The following TASP1 variants were observed in gnomAD, a reference collection of about 807,000 sequenced individuals.
TASP1 encodes taspase 1, also known as threonine aspartase 1.
A neutral mutation model predicts 56.6 loss-of-function variants in TASP1; 16 were observed. The ratio of observed to expected loss-of-function variants is 0.28; its 90% CI spans 0.19 to 0.43. TASP1 has a LOEUF of 0.43. Ranked by LOEUF, TASP1 falls within the 20% of genes least tolerant of loss-of-function variation. TASP1 has a pLI of 1.00. For synonymous variants in TASP1, 179 were observed against 184.2 expected (o/e 0.97, Z 0.23); for missense variants, 393 against 511.6 (o/e 0.77, Z 2.24).
intron 4 of TASP1, 92 bp downstream of exon 4, chr20:13,623,354 T>C: frequency 1.9e-6 from 2 of 1,062,000 alleles, no homozygotes; most frequent in East Asian, 2.5e-5. Context: ...GCTCATATAA[T>C]TTATGGTTGA....
At chr20:13,169,629 G>A in the TASP1 span, among the ~76,000 whole-genome samples, 1 of 152,164 alleles carries the variant, frequency 6.6e-6, no homozygotes, top group Non-Finnish European at 1.5e-5. Context: ...CAATGCCTGG[G>A]AAGGGACTCA....
intron 11 of TASP1, among the ~76,000 whole-genome samples, chr20:13,476,053 A>C (rs1009064425): frequency 2.6e-5 from 4 of 152,212 alleles, no homozygotes; most frequent in African/African-American, 4.8e-5. Flanking sequence ...CAGGAGGCGG[A>C]GACTGCAGTG....
the TASP1 span, among the ~76,000 whole-genome samples, chr20:13,372,909 T>G: frequency 6.6e-6 from 1 of 152,172 alleles, no homozygotes; most frequent in Non-Finnish European, 1.5e-5. Context: ...TCCTCCTGTA[T>G]AGCTCTATTA....
At chr20:13,602,600 T>C (rs1226853562) in intron 4 of TASP1, among the ~76,000 whole-genome samples, 1 of 152,146 alleles carries the variant, frequency 6.6e-6, no homozygotes, top group Non-Finnish European at 1.5e-5. Context: ...AATTTTTCCA[T>C]GGATGGGGTG....
At chr20:13,110,165 CG>C in the TASP1 span, 2 of 1,613,578 alleles carry the variant, frequency 1.2e-6, no homozygotes, top group East Asian at 4.5e-5. Context: ...TGGCCAGCCT[CG>C]AACCCGCAGA....
intron 13 of TASP1, among the ~76,000 whole-genome samples, chr20:13,413,764 G>A (rs572641633): frequency 8.6e-5 from 13 of 151,794 alleles, no homozygotes; most frequent in South Asian, 4.2e-4. Context: ...CAATCGTTCC[G>A]GGAAGATCTA....
chr20:13,121,587 C>T, the TASP1 span, among the ~76,000 whole-genome samples: 1 of 152,102 alleles, frequency 6.6e-6, no homozygotes, highest in Non-Finnish European at 1.5e-5. Flanking sequence ...GACCTCTAAC[C>T]CACCCTGAAG....
At chr20:13,401,070 CA>C (rs1329490853) in intron 13 of TASP1, among the ~76,000 whole-genome samples, 1 of 152,110 alleles carries the variant, frequency 6.6e-6, no homozygotes, top group Non-Finnish European at 1.5e-5. Context: ...CAGGCTTCAC[CA>C]AACAGGGCGG....
rs531212333 is a variant in TASP1 at position 13,523,959 on chromosome 20, G to A, written c.874+4474C>T. Among the ~76,000 whole-genome samples, 11 of 151,842 alleles carry A rather than the reference G, an allele frequency of 7.2e-5. No individual in the cohort carries two copies. In the South Asian group the frequency reaches 2.1e-3, roughly 29 times the overall value. ...AGCCCAGGAGTTCAAGACCAGCCCGGGCAACACAGCAAGATCCTGTCTCTA... is the reference window on the plus strand; with the variant it reads ...AGCCCAGGAGTTCAAGACCAGCCCGAGCAACACAGCAAGATCCTGTCTCTA... On this transcript the variant is annotated intron_variant, in intron 10 of 13. Coordinates refer to ENST00000337743, the MANE Select transcript of TASP1 (RefSeq NM_017714.3).
the TASP1 span, among the ~76,000 whole-genome samples, chr20:13,267,117 A>G: frequency 6.6e-5 from 10 of 152,202 alleles, no homozygotes; most frequent in African/African-American, 2.4e-4. Flanking sequence ...ATCCTTAGCC[A>G]CACTTCCCCT....
the TASP1 span, among the ~76,000 whole-genome samples, chr20:13,133,775 A>G: frequency 6.6e-6 from 1 of 152,266 alleles, no homozygotes; most frequent in East Asian, 1.9e-4. Context: ...ACTTACGTAC[A>G]GGGATGGTCC....
At chr20:13,137,331 T>C in the TASP1 span, among the ~76,000 whole-genome samples, 6 of 152,194 alleles carry the variant, frequency 3.9e-5, no homozygotes, top group Non-Finnish European at 7.3e-5. Context: ...ACACTGCCTT[T>C]AGCAGGGTTG....
intron 10 of TASP1, among the ~76,000 whole-genome samples, chr20:13,510,073 C>G (rs753829935): frequency 2.0e-5 from 3 of 151,960 alleles, no homozygotes; most frequent in Non-Finnish European, 4.4e-5. Flanking sequence ...TACCCCTGAA[C>G]CTAAAATGAA....
At chr20:13,386,497 A>C (rs1383088785), downstream of TASP1, among the ~76,000 whole-genome samples, 1 of 152,240 alleles carries the variant, frequency 6.6e-6, no homozygotes, top group Non-Finnish European at 1.5e-5. Flanking sequence ...AAATCAAAAA[A>C]TAAAAGATCC....
intron 10 of TASP1, among the ~76,000 whole-genome samples, chr20:13,526,692 G>A (rs746025651): frequency 3.9e-5 from 6 of 152,152 alleles, no homozygotes; most frequent in Non-Finnish European, 7.4e-5. Context: ...ATGGAGCTAG[G>A]TCAGGAGGCT....
intron 8 of TASP1, among the ~76,000 whole-genome samples, chr20:13,555,865 G>A (rs1000690579): frequency 3.9e-5 from 6 of 152,070 alleles, no homozygotes; most frequent in Non-Finnish European, 7.4e-5. Context: ...CTTGAAAATC[G>A]AAATTACCCC....
chr20:13,272,105 C>A, the TASP1 span, among the ~76,000 whole-genome samples: 108 of 152,158 alleles, frequency 7.1e-4, no homozygotes, highest in Non-Finnish European at 4.0e-4. Context: ...GCTTCCAATT[C>A]TTTCTATTTG....
chr20:13,283,854 A>AT, the TASP1 span, among the ~76,000 whole-genome samples: 8 of 152,132 alleles, frequency 5.3e-5, no homozygotes, highest in South Asian at 2.1e-4. Context: ...TTTCACAGTG[A>AT]TTTTTTTTCA....
intron 11 of TASP1, among the ~76,000 whole-genome samples, chr20:13,466,251 T>C (rs1307174865): frequency 1.3e-5 from 2 of 151,928 alleles, no homozygotes; most frequent in African/African-American, 4.8e-5. Context: ...CAGGTTAATA[T>C]AAGGAAGAAA....
Sources: gnomAD v4.1 joint callset for allele counts (sites outside exome capture counted in the v4.1 genomes callset) on GRCh38, gnomAD v4.1.1 for gene constraint, MANE v1.5 for transcripts, NCBI Gene and HGNC (gene_info 2026-07-23, HGNC 2026-07-21) for gene names.